The following CALCR variants were observed in gnomAD, a reference collection of about 807,000 sequenced individuals.
The protein encoded by CALCR is calcitonin receptor.
In CALCR, 47 loss-of-function variants were observed where a neutral mutation model predicts 59.5. The observed-to-expected ratio is 0.79, with a 90% CI of 0.63 to 1.01. The LOEUF is 1.01. Ranked by LOEUF, CALCR falls within the 50% of genes least tolerant of loss-of-function variation. The probability of loss-of-function intolerance (pLI) is 0.00; values close to 1 mark genes in which losing one functional copy is unlikely to be tolerated. For missense variants in CALCR, 566 were observed against 597.1 expected, an observed-to-expected ratio of 0.95 and a Z score of 0.54; for synonymous variants, 213 against 211.3, an observed-to-expected ratio of 1.01 and a Z score of -0.07.
chr7:93,460,731 T>C, intron 8 of CALCR, 90 bp downstream of exon 8: 2 of 946,910 alleles, frequency 2.1e-6, no homozygotes, highest in Non-Finnish European at 3.1e-6. Flanking sequence ...TGTAAACAGC[T>C]GCTTAAGTCC....
chr7:93,570,305 CTT>C (rs1789973203), intron 2 of CALCR, among the ~76,000 whole-genome samples: 1 of 151,982 alleles, frequency 6.6e-6, no homozygotes, highest in Non-Finnish European at 1.5e-5. Flanking sequence ...CACATAGAAA[CTT>C]AATGTGACTG....
chr7:93,527,052 T>C (rs554864012), intron 2 of CALCR, among the ~76,000 whole-genome samples: 1 of 151,994 alleles, frequency 6.6e-6, no homozygotes, highest in Non-Finnish European at 1.5e-5. Flanking sequence ...CAAATTTGGA[T>C]TTGTATTATG....
intron 8 of CALCR, among the ~76,000 whole-genome samples, chr7:93,452,109 C>A (rs2115765851): frequency 6.6e-6 from 1 of 152,040 alleles, no homozygotes; most frequent in East Asian, 1.9e-4. Context: ...GTACCCCAAA[C>A]CTCAACTCCA....
chr7:93,438,545 T>G (rs1456750413), intron 9 of CALCR, among the ~76,000 whole-genome samples: 2 of 152,234 alleles, frequency 1.3e-5, no homozygotes, highest in East Asian at 3.8e-4. Flanking sequence ...ACACTATGAC[T>G]ATTATTACCA....
intron 8 of CALCR, 69 bp downstream of exon 8, chr7:93,460,752 C>A (rs1439831557): frequency 8.6e-6 from 10 of 1,162,318 alleles, no homozygotes; most frequent in Non-Finnish European, 1.2e-5. Flanking sequence ...AACATGAACA[C>A]CATGTTCACT....
chr7:93,571,922 C>T (rs1463739389), intron 2 of CALCR, among the ~76,000 whole-genome samples: 1 of 152,090 alleles, frequency 6.6e-6, no homozygotes, highest in African/African-American at 2.4e-5. Flanking sequence ...TCCTCTTTCT[C>T]CTCTTTCAAA....
chr7:93,535,656 TAAAG>T, intron 2 of CALCR, among the ~76,000 whole-genome samples: 1 of 151,854 alleles, frequency 6.6e-6, no homozygotes, highest in Non-Finnish European at 1.5e-5. Flanking sequence ...ACTTGAGAGA[TAAAG>T]AAAATTACAA....
chr7:93,460,949 T>A lies in CALCR; in HGVS notation c.522-2A>T. On this transcript the variant is annotated splice_acceptor_variant, in intron 7 of 13. Transcript: ENST00000426151. LOFTEE classifies it high-confidence loss of function. The stretch of plus-strand genomic sequence containing the variant: ...GTTACCCTTTGGCAGCCAAGGCTCC[T>A]GGAAGAAAAAGTAACATAAAGCATT... 1.9e-6 allele frequency: 3 copies of A among 1,606,908 alleles called. No individual in the cohort carries two copies. Among genetic ancestry groups the A allele is most frequent in the Non-Finnish European group, 2.5e-6 (3 of 1,177,452 alleles).
chr7:93,506,692 C>T (rs529025549), intron 2 of CALCR, among the ~76,000 whole-genome samples: 15 of 150,712 alleles, frequency 1.0e-4, no homozygotes, highest in African/African-American at 3.7e-4. Context: ...GGGCATAAGA[C>T]CAGCAGATTC....
intron 7 of CALCR, among the ~76,000 whole-genome samples, chr7:93,467,917 A>G (rs553992377): frequency 6.6e-5 from 10 of 151,696 alleles, no homozygotes; most frequent in Admixed American, 5.3e-4. Context: ...TCAGTTTCTA[A>G]CATTTTTACT....
intron 9 of CALCR, among the ~76,000 whole-genome samples, chr7:93,441,916 T>C (rs780017220): frequency 6.6e-6 from 1 of 152,162 alleles, no homozygotes; most frequent in Non-Finnish European, 1.5e-5. Context: ...CTGCCTTCAG[T>C]TGGATCAATC....
Position 93,536,529 on chromosome 7 carries a change from C to A in CALCR, c.-27+37760G>T, listed in dbSNP as rs1788991046. ...CTTTTTCTTTTCCCCCAAGAGGAAA[C>A]CTTTTTATTTTATTTTTAATTTTAT... On this transcript the variant is annotated intron_variant, in intron 2 of 13. Coordinates refer to ENST00000426151, the MANE Select transcript of CALCR (RefSeq NM_001742.4). Among the ~76,000 whole-genome samples the A allele has an allele frequency of 3.7e-5, 5 of 135,532 alleles. No homozygotes were observed. In the Middle Eastern group the frequency reaches 0.019, roughly 506 times the overall value. The allele number at this position is 135,532 out of a possible 152,430, so 88.9% of individuals were successfully genotyped here. A position where few individuals can be genotyped will look rare whatever the true frequency, so the allele number is the denominator to read the frequency against.
intron 2 of CALCR, among the ~76,000 whole-genome samples, chr7:93,542,857 G>A (rs928542264): frequency 2.0e-5 from 3 of 151,972 alleles, no homozygotes; most frequent in African/African-American, 7.2e-5. Context: ...CTGGAAAGTC[G>A]TCAGGGGCAA....
At chr7:93,490,383 G>T (rs754869977) in intron 2 of CALCR, among the ~76,000 whole-genome samples, 51 of 151,850 alleles carry the variant, frequency 3.4e-4, no homozygotes, top group Middle Eastern at 6.8e-3. Context: ...ATTCAACATG[G>T]TATTGGAAAT....
At chr7:93,480,370 G>A (rs189276594) in intron 3 of CALCR, among the ~76,000 whole-genome samples, 1 of 151,852 alleles carries the variant, frequency 6.6e-6, no homozygotes, top group Non-Finnish European at 1.5e-5. Flanking sequence ...TCCATGTTCT[G>A]CATAGAGATT....
chr7:93,439,290 T>C (rs1799848888), intron 9 of CALCR, among the ~76,000 whole-genome samples: 1 of 152,190 alleles, frequency 6.6e-6, no homozygotes, highest in Non-Finnish European at 1.5e-5. Flanking sequence ...GATTTAATGT[T>C]TGGCCTGAAA....
intron 5 of CALCR, among the ~76,000 whole-genome samples, chr7:93,476,583 C>T (rs1482414447): frequency 1.3e-5 from 2 of 151,804 alleles, no homozygotes; most frequent in Non-Finnish European, 2.9e-5. Flanking sequence ...GGATCGATGC[C>T]TGTAAATCTC....
At chr7:93,565,686 T>G (rs1485272960) in intron 2 of CALCR, among the ~76,000 whole-genome samples, 1 of 152,204 alleles carries the variant, frequency 6.6e-6, no homozygotes. Context: ...AATGAAAAAG[T>G]GGTCTAATAC....
chr7:93,441,504 G>A (rs1198455066), intron 9 of CALCR: 1 of 455,534 alleles, frequency 2.2e-6, no homozygotes, highest in Non-Finnish European at 4.4e-6. Context: ...ACATACGGAT[G>A]AGAAGGCCAG....
Sources: gnomAD v4.1 joint callset for allele counts (sites outside exome capture counted in the v4.1 genomes callset) on GRCh38, gnomAD v4.1.1 for gene constraint, MANE v1.5 for transcripts, NCBI Gene and HGNC (gene_info 2026-07-23, HGNC 2026-07-21) for gene names.